Variants in SNX29 observed in about 807,000 individuals in gnomAD.
SNX29 encodes the protein sorting nexin-29.
Under a neutral mutation model 102.1 loss-of-function variants are expected in SNX29, and 78 were observed. The ratio of observed to expected loss-of-function variants is 0.76; its 90% confidence interval spans 0.64 to 0.92. SNX29 has a LOEUF of 0.92. Ranked by LOEUF, SNX29 falls within the 40% of genes least tolerant of loss-of-function variation. The pLI is 0.00. For missense variants in SNX29, 1,280 were observed against 1,061.7 expected (o/e 1.21, Z -2.86); for synonymous variants, 580 against 414.5 (o/e 1.40, Z -4.85).
chr16:12,376,410 T>G (rs150405369), intron 16 of SNX29, among the ~76,000 whole-genome samples: 288 of 152,268 alleles, frequency 1.9e-3, no homozygotes, highest in African/African-American at 6.7e-3. Flanking sequence ...TGTAATTGAT[T>G]ATGTAGGAAT....
chr16:12,528,981 C>T (rs769782923), intron 20 of SNX29, among the ~76,000 whole-genome samples: 16 of 152,214 alleles, frequency 1.1e-4, no homozygotes, highest in Non-Finnish European at 2.2e-4. Context: ...TTCACACACA[C>T]TCTTCCATTT....
chr16:12,525,633 A>G (rs2076758972), intron 20 of SNX29, among the ~76,000 whole-genome samples: 1 of 150,296 alleles, frequency 6.7e-6, no homozygotes, highest in Admixed American at 6.6e-5. Context: ...CAGAGGTTGC[A>G]GTGAGCTGAG....
chr16:12,568,260 G>A (rs1423273334), intron 20 of SNX29, among the ~76,000 whole-genome samples: 2 of 148,624 alleles, frequency 1.3e-5, no homozygotes, highest in Non-Finnish European at 3.0e-5. Flanking sequence ...CCATGAGCTA[G>A]CTCAGACTCA....
chr16:11,999,406 G>A, intron 2 of SNX29, 48 bp downstream of exon 2: 1 of 1,580,632 alleles, frequency 6.3e-7, no homozygotes, highest in Non-Finnish European at 8.7e-7. Flanking sequence ...AATAGTGTCA[G>A]ATAATTAATG....
At chr16:12,562,063 T>G (rs1241468521) in intron 20 of SNX29, among the ~76,000 whole-genome samples, 4 of 149,300 alleles carry the variant, frequency 2.7e-5, no homozygotes, top group Non-Finnish European at 1.5e-5. Flanking sequence ...CCGTTTTCCT[T>G]CCCGTGTTTT....
rs574709987 is a variant in SNX29, at chr16:12,523,484, A to G, written c.2179-1218A>G. Reference sequence around the variant, plus strand: ...GTCCCGGCCCCGATGCTCACTGCCCAGGGTGTCTTTGTTACAAGCCAGGGG... The same window carrying G: ...GTCCCGGCCCCGATGCTCACTGCCCGGGGTGTCTTTGTTACAAGCCAGGGG... On this transcript the variant is annotated intron_variant, in intron 19 of 20. Coordinates refer to ENST00000566228, the MANE Select transcript of SNX29 (RefSeq NM_032167.5). Among the ~76,000 whole-genome samples the G allele has an allele frequency of 8.5e-5, 13 of 152,330 alleles. 1 individual carries two copies. The highest frequency in any genetic ancestry group is 8.5e-4 in the Admixed American group (13 of 15,306).
intron 18 of SNX29, among the ~76,000 whole-genome samples, chr16:12,427,298 C>T (rs1165351154): frequency 6.6e-6 from 1 of 151,516 alleles, no homozygotes; most frequent in African/African-American, 2.4e-5. Flanking sequence ...TGATGAAAAT[C>T]TTGATTTCAA....
intron 18 of SNX29, among the ~76,000 whole-genome samples, chr16:12,454,244 A>G (rs1035322266): frequency 1.3e-5 from 2 of 152,180 alleles, no homozygotes; most frequent in Non-Finnish European, 2.9e-5. Flanking sequence ...GGGGGATGGC[A>G]ACTCTGCAGC....
In SNX29 at chr16:12,487,718, C is replaced by T. The variant is rs565748573; in HGVS notation, c.2178+9859C>T. ...CCCCCACCTGTTCGCAGCAGAGATGCAGGGAGTTCACACACCATCCCCCGC... is the reference window on the plus strand; with the variant it reads ...CCCCCACCTGTTCGCAGCAGAGATGTAGGGAGTTCACACACCATCCCCCGC... On this transcript the variant is annotated intron_variant, in intron 19 of 20. Transcript: ENST00000566228. Among the ~76,000 whole-genome samples the T allele has an allele frequency of 5.3e-5, 8 of 152,280 alleles. No homozygotes were observed. The South Asian group carries it at 1.7e-3, about 32-fold the overall frequency.
intron 17 of SNX29, among the ~76,000 whole-genome samples, chr16:12,403,204 G>GTATGTA (rs201925283): frequency 5.0e-5 from 2 of 40,380 alleles, no homozygotes; most frequent in Admixed American, 2.7e-4. Flanking sequence ...GTGTGTGTAT[G>GTATGTA]TGTGTGTGTG....
chr16:12,014,556 A>G (rs2056784153), intron 3 of SNX29, among the ~76,000 whole-genome samples: 1 of 151,934 alleles, frequency 6.6e-6, no homozygotes, highest in Admixed American at 6.6e-5. Context: ...AACATAGAGA[A>G]ACCCTGTCTC....
At chr16:12,139,979 TCAAAAA>T (rs1208853982) in intron 13 of SNX29, among the ~76,000 whole-genome samples, 4 of 63,070 alleles carry the variant, frequency 6.3e-5, no homozygotes, top group African/African-American at 1.3e-4. Context: ...ATACCCTGTC[TCAAAAA>T]AAAAAAAAAA....
At chr16:12,210,141 G>C (rs373590701) in intron 14 of SNX29, among the ~76,000 whole-genome samples, 3 of 152,058 alleles carry the variant, frequency 2.0e-5, no homozygotes, top group Admixed American at 2.0e-4. Context: ...CCACTACGTC[G>C]GCTACTTTCC....
chr16:12,098,242 A>G lies in SNX29; in HGVS notation c.1402+19327A>G, dbSNP rs2052852973. 6.6e-6 allele frequency among the ~76,000 whole-genome samples: 1 copy of G among 152,150 alleles called. No homozygotes were observed. Among genetic ancestry groups the G allele is most frequent in the Non-Finnish European group, 1.5e-5 (1 of 68,024 alleles). Reference sequence around the variant, plus strand: ...CCCTAGACCTTAAATATTAATGTTAAAAATTTGTATTTAAATTTTTGTTTT... The same window carrying G: ...CCCTAGACCTTAAATATTAATGTTAGAAATTTGTATTTAAATTTTTGTTTT... On this transcript the variant is annotated intron_variant, in intron 11 of 20. Coordinates refer to ENST00000566228, the MANE Select transcript of SNX29 (RefSeq NM_032167.5). This position sits in a 1 kb window ranked among gnomAD's most constrained non-coding sequence, Gnocchi z 6.0.
At chr16:12,199,573 TA>T (rs750957528) in intron 13 of SNX29, 27 bp from the exon 14 acceptor site, 10 of 1,578,946 alleles carry the variant, frequency 6.3e-6, no homozygotes, top group African/African-American at 1.4e-5. Context: ...TTTAAATATA[TA>T]TTTTTTTAAC....
chr16:12,022,272 C>T (rs1172798782), intron 3 of SNX29, among the ~76,000 whole-genome samples: 1 of 151,370 alleles, frequency 6.6e-6, no homozygotes, highest in Non-Finnish European at 1.5e-5. Flanking sequence ...ACAATCTCAG[C>T]TCACTGCGAC....
intron 13 of SNX29, among the ~76,000 whole-genome samples, chr16:12,168,296 GAAA>G (rs1471363022): frequency 1.3e-5 from 2 of 152,152 alleles, no homozygotes; most frequent in African/African-American, 2.4e-5. Context: ...TTGGGGGAAG[GAAA>G]GGATGTGCAA....
At chr16:12,349,822 A>G (rs1277655349) in intron 15 of SNX29, among the ~76,000 whole-genome samples, 1 of 152,120 alleles carries the variant, frequency 6.6e-6, no homozygotes, top group Non-Finnish European at 1.5e-5. Flanking sequence ...TTATTAATGC[A>G]AGAAATTGCT....
intron 11 of SNX29, among the ~76,000 whole-genome samples, chr16:12,117,871 G>C (rs996707184): frequency 4.9e-4 from 75 of 152,132 alleles, no homozygotes; most frequent in African/African-American, 1.7e-3. Flanking sequence ...TGAGGCGGGC[G>C]GATCACAAGG....
Sources: gnomAD v4.1 joint callset for allele counts (sites outside exome capture counted in the v4.1 genomes callset) on GRCh38, gnomAD v4.1.1 for gene constraint, Gnocchi (gnomAD v3.1) non-coding constraint, MANE v1.5 for transcripts, NCBI Gene and HGNC (gene_info 2026-07-23, HGNC 2026-07-21) for gene names.